Variants in FOXA3 observed in about 807,000 individuals in gnomAD.
The protein encoded by FOXA3 is hepatocyte nuclear factor 3-gamma.
Under a neutral mutation model 16.9 loss-of-function variants are expected in FOXA3, and 11 were observed. The observed-to-expected ratio is 0.65, with a 90% CI of 0.41 to 1.08. FOXA3 has a LOEUF of 1.08. Among genes scored for constraint, FOXA3 ranks in the 50% least tolerant of loss-of-function variants. The pLI is 0.00. For missense variants in FOXA3, 423 were observed against 470.1 expected, an observed-to-expected ratio of 0.90 and a Z score of 0.93; for synonymous variants, 217 against 203.3, an observed-to-expected ratio of 1.07 and a Z score of -0.57.
At chr19:45,870,779 G>C (rs59093775) in intron 1 of FOXA3, among the ~76,000 whole-genome samples, 1 of 151,754 alleles carries the variant, frequency 6.6e-6, no homozygotes. Context: ...CACGTTGCCA[G>C]GCTGGTCTTG....
At chr19:45,864,870 G>A (rs1260586786) in intron 1 of FOXA3, among the ~76,000 whole-genome samples, 2 of 152,176 alleles carry the variant, frequency 1.3e-5, no homozygotes, top group Non-Finnish European at 2.9e-5. Context: ...GAGTTCCAGG[G>A]TAGGGGACAG....
At chr19:45,869,796 T>A in intron 1 of FOXA3, among the ~76,000 whole-genome samples, 1 of 152,070 alleles carries the variant, frequency 6.6e-6, no homozygotes, top group South Asian at 2.1e-4. Flanking sequence ...TATTTATTTT[T>A]TTTTTTTGAG....
rs769980450 is a variant in FOXA3 at position 45,872,660 on chromosome 19, G to T, written c.655G>T (p.Val219Leu). Reference sequence around the variant, plus strand: ...GAAACGCTTCAAGCTGGAGGAGAAGGTGAAAAAAGGGGGCAGCGGGGCTGC... The same window carrying T: ...GAAACGCTTCAAGCTGGAGGAGAAGTTGAAAAAAGGGGGCAGCGGGGCTGC... Reference protein sequence around the residue: ...RQKRFKLEEKVKKGGSGAATT... With the variant: ...RQKRFKLEEKLKKGGSGAATT... Residue 219 changes from valine (V) to leucine (L), a missense_variant, in exon 2 of 2, where the codon GTG (valine) becomes TTG (leucine). Physicochemically the swap from Val to Leu is conservative, Grantham distance 32 (BLOSUM62 1). Transcript: ENST00000302177. The surrounding 1 kb of genome is among the most constrained non-coding windows in gnomAD (Gnocchi z 4.5). 6.2e-7 allele frequency: 1 copy of T among 1,613,080 alleles called. No individual in the cohort carries two copies. The highest frequency in any genetic ancestry group is 1.1e-5 in the South Asian group (1 of 91,002).
intron 1 of FOXA3, among the ~76,000 whole-genome samples, chr19:45,866,996 A>G (rs915325020): frequency 6.6e-6 from 1 of 152,004 alleles, no homozygotes; most frequent in Non-Finnish European, 1.5e-5. Context: ...TCTCAGCCCC[A>G]CCCTGTCAGG....
chr19:45,871,379 C>G (rs374901676), intron 1 of FOXA3, among the ~76,000 whole-genome samples: 1 of 151,930 alleles, frequency 6.6e-6, no homozygotes, highest in African/African-American at 2.4e-5. Flanking sequence ...ATATCAACAC[C>G]CCCTGGAAAA....
In FOXA3 at chr19:45,873,299, T is replaced by C. The variant is rs1966929168; in HGVS notation, c.*241T>C. ...GTGAGGACTGCTACATTGATGGATG[T>C]TATTGGCTAATCCACTGCATGGTTT... On this transcript the variant is annotated 3_prime_UTR_variant, in exon 2 of 2. Coordinates refer to ENST00000302177, the MANE Select transcript of FOXA3 (RefSeq NM_004497.3). 1.2e-5 allele frequency: 7 copies of C among 597,894 alleles called. No homozygotes were observed. 37.0% of individuals were successfully genotyped at this position (597,894 alleles called of 1,614,324 possible).
At position 45,873,099 on chromosome 19, in the gene FOXA3, C is replaced by T. The variant is rs1266265196; in HGVS notation, c.*41C>T. 3.9e-6 allele frequency: 6 copies of T among 1,557,460 alleles called. No homozygotes were observed. The highest frequency in any genetic ancestry group is 5.2e-6 in the Non-Finnish European group (6 of 1,150,084). On this transcript the variant is annotated 3_prime_UTR_variant, in exon 2 of 2. Transcript: ENST00000302177. ...TGGTGGTGGGTATGGCTGGAGCTCACACCACGAAGCTCTTGGGGCCTGATC... is the reference window on the plus strand; with the variant it reads ...TGGTGGTGGGTATGGCTGGAGCTCATACCACGAAGCTCTTGGGGCCTGATC...
chr19:45,864,596 G>T lies in FOXA3; in HGVS notation c.69+71G>T, dbSNP rs1305050023. 3.1e-6 allele frequency: 4 copies of T among 1,296,596 alleles called. No homozygotes were observed. In the Middle Eastern group the frequency reaches 5.8e-4, roughly 188 times the overall value. The allele number at this position is 1,296,596 out of a possible 1,614,324, so 80.3% of individuals were successfully genotyped here. The stretch of plus-strand genomic sequence containing the variant: ...GGGGTGTGGGCTCACATGGAGCAGG[G>T]ACTGGTTGTGGGTTCAAATGGAGGC... On this transcript the variant is annotated intron_variant, in intron 1 of 1. Transcript: ENST00000302177.
chr19:45,864,952 C>G (rs2146358822), intron 1 of FOXA3, among the ~76,000 whole-genome samples: 1 of 151,984 alleles, frequency 6.6e-6, no homozygotes, highest in Middle Eastern at 3.4e-3. Context: ...GAGGAGTCAC[C>G]ATTAAGGGGA....
chr19:45,872,494 C>T lies in FOXA3; in HGVS notation c.489C>T (p.Asn163=), dbSNP rs1966918119. 5 of 1,614,208 alleles carry T rather than the reference C, an allele frequency of 3.1e-6. No homozygotes were observed. The highest frequency in any genetic ancestry group is 1.3e-5 in the African/African-American group (1 of 75,058). The change falls in exon 2 of 2, where the codon AAC becomes AAT. Residue 163 remains asparagine, a synonymous_variant. Coordinates refer to ENST00000302177, the MANE Select transcript of FOXA3 (RefSeq NM_004497.3). The surrounding 1 kb of genome is among the most constrained non-coding windows in gnomAD (Gnocchi z 4.5). ...GGGAGAATCAGCAGCGCTGGCAGAACTCCATTCGCCACTCGCTGTCTTTCA... is the reference window on the plus strand; with the variant it reads ...GGGAGAATCAGCAGCGCTGGCAGAATTCCATTCGCCACTCGCTGTCTTTCA... ...YYRENQQRWQ[N]SIRHSLSFND...
In FOXA3 at chr19:45,873,023, G is replaced by A; in HGVS notation, c.1018G>A (p.Gly340Ser). ...TGGGGAGCCTGGAGTCTACTACCAG[G>A]GCCTCTATTCCCGCTCTTTGCTTAA... is the stretch of plus-strand genomic sequence containing the variant. ...EGGEPGVYYQ[G>S]LYSRSLLNAS Residue 340 changes from glycine (G) to serine (S), a missense_variant, in exon 2 of 2, where the codon GGC becomes AGC. Gly to Ser is a moderately conservative substitution (Grantham distance 56). Coordinates refer to ENST00000302177, the MANE Select transcript of FOXA3 (RefSeq NM_004497.3). 6.2e-7 allele frequency: 1 copy of A among 1,608,918 alleles called. No homozygotes were observed. The highest frequency in any genetic ancestry group is 8.5e-7 in the Non-Finnish European group (1 of 1,177,432).
chr19:45,865,396 GGACA>G (rs1167421320), intron 1 of FOXA3, among the ~76,000 whole-genome samples: 1 of 152,086 alleles, frequency 6.6e-6, no homozygotes, highest in African/African-American at 2.4e-5. Context: ...CCCCTCACCT[GGACA>G]GACAGAAAGT....
At position 45,872,684 on chromosome 19, in the gene FOXA3, G is replaced by GCCA. The variant is rs1285706365; in HGVS notation, c.689_691dup (p.Thr230dup). Reference sequence around the variant, plus strand: ...GGTGAAAAAAGGGGGCAGCGGGGCTGCCACCACCACCAGGAACGGGACAGG... The same window carrying GCCA: ...GGTGAAAAAAGGGGGCAGCGGGGCTGCCACCACCACCACCAGGAACGGGACAGG... On this transcript the variant is annotated inframe_insertion, in exon 2 of 2. Coordinates refer to ENST00000302177, the MANE Select transcript of FOXA3 (RefSeq NM_004497.3). The surrounding 1 kb of genome is among the most constrained non-coding windows in gnomAD (Gnocchi z 4.5). The GCCA allele has an allele frequency of 1.9e-6, 3 of 1,610,652 alleles. No individual in the cohort carries two copies. Among genetic ancestry groups the GCCA allele is most frequent in the Non-Finnish European group, 2.5e-6 (3 of 1,178,752 alleles).
chr19:45,867,625 C>T (rs1287755187), intron 1 of FOXA3, among the ~76,000 whole-genome samples: 1 of 151,602 alleles, frequency 6.6e-6, no homozygotes, highest in African/African-American at 2.4e-5. Flanking sequence ...ACTAAAAATA[C>T]AAAACTTAGC....
At position 45,870,263 on chromosome 19, in the gene FOXA3, G is replaced by A. The variant is rs527373644; in HGVS notation, c.70-1812G>A. On this transcript the variant is annotated intron_variant, in intron 1 of 1. Transcript: ENST00000302177. ...CAGCTCACTGCAAGCTCCACCTTCC[G>A]GGTTCACGCCATTCTCCTGCCTCAG... is the stretch of plus-strand genomic sequence containing the variant. 1.5e-4 allele frequency among the ~76,000 whole-genome samples: 22 copies of A among 150,394 alleles called. No individual in the cohort carries two copies. The South Asian group carries it at 4.2e-3, about 29-fold the overall frequency.
rs1156506123 is a variant in FOXA3, at chr19:45,872,980, G to A, written c.975G>A (p.Gly325=). ...PAPPKLDVGF[G]GYGAEGGEPG... ...CTCCCAAACTGGACGTGGGGTTTGG[G>A]GGCTACGGGGCTGAAGGTGGGGAGC... is the stretch of plus-strand genomic sequence containing the variant. The change falls in exon 2 of 2, where the codon GGG becomes GGA. Residue 325 remains glycine (G), a synonymous_variant. Transcript: ENST00000302177. This position sits in a 1 kb window ranked among gnomAD's most constrained non-coding sequence, Gnocchi z 4.5. 1 of 1,613,878 alleles carries A rather than the reference G, an allele frequency of 6.2e-7. No individual in the cohort carries two copies. Among genetic ancestry groups the A allele is most frequent in the South Asian group, 1.1e-5 (1 of 90,996 alleles).
At position 45,873,784 on chromosome 19, in the gene FOXA3, G is replaced by A. The variant is rs181069377; in HGVS notation, c.*726G>A. 572 of 152,822 alleles carry A rather than the reference G, an allele frequency of 3.7e-3. 4 individuals carry two copies. The highest frequency in any genetic ancestry group is 5.9e-3 in the Admixed American group (91 of 15,338). The allele number at this position is 152,822 out of a possible 1,614,324, so 9.5% of individuals were successfully genotyped here. ...GCTGTGTTTAATCATTAAAGGTACC[G>A]TGTCCGCCTCTTACTGAATGTCTCT... On this transcript the variant is annotated 3_prime_UTR_variant, in exon 2 of 2. Transcript: ENST00000302177.
In FOXA3 at chr19:45,872,716, T is replaced by C. The variant is rs200743469; in HGVS notation, c.711T>C (p.Ala237=). 3.1e-4 allele frequency: 491 copies of C among 1,605,202 alleles called. 1 individual carries two copies. The African/African-American group carries it at 5.7e-3, about 19-fold the overall frequency. The change falls in exon 2 of 2, where the codon GCT becomes GCC. Residue 237 remains alanine (A), a synonymous_variant. Transcript: ENST00000302177. This position sits in a 1 kb window ranked among gnomAD's most constrained non-coding sequence, Gnocchi z 4.5. Reference sequence around the variant, plus strand: ...CCACCAGGAACGGGACAGGGTCTGCTGCCTCGACCACCACCCCCGCGGCCA... The same window carrying C: ...CCACCAGGAACGGGACAGGGTCTGCCGCCTCGACCACCACCCCCGCGGCCA... ...ATTTRNGTGS[A]ASTTTPAATV... is the part of the protein sequence containing the mutation.
chr19:45,864,482 C>T lies in FOXA3; in HGVS notation c.26C>T (p.Ala9Val). The T allele has an allele frequency of 6.5e-7, 1 of 1,539,916 alleles. No homozygotes were observed. The highest frequency in any genetic ancestry group is 8.8e-7 in the Non-Finnish European group (1 of 1,141,100). ...ATGCTGGGCTCAGTGAAGATGGAGG[C>T]CCATGACCTGGCCGAGTGGAGCTAC... is the stretch of plus-strand genomic sequence containing the variant. The part of the protein sequence containing the change: MLGSVKME[A>V]HDLAEWSYYP... Residue 9 changes from alanine (A) to valine (V), a missense_variant, in exon 1 of 2, where the codon GCC becomes GTC. By Grantham distance (64) the Ala-to-Val change is moderately conservative (BLOSUM62 0). This residue lies in a region of FOXA3 where 170 missense variants were observed against 153.9 expected (regional missense o/e 1.10). Coordinates refer to ENST00000302177, the MANE Select transcript of FOXA3 (RefSeq NM_004497.3).
Sources: gnomAD v4.1 joint callset for allele counts (sites outside exome capture counted in the v4.1 genomes callset) on GRCh38, gnomAD v4.1.1 for gene constraint, gnomAD v4.1.1 regional missense constraint, Gnocchi (gnomAD v3.1) non-coding constraint, MANE v1.5 for transcripts, NCBI Gene and HGNC (gene_info 2026-07-23, HGNC 2026-07-21) for gene names.